Variants in RPGRIP1L observed in about 807,000 individuals in gnomAD.
RPGRIP1L encodes protein fantom.
In RPGRIP1L, 131 loss-of-function variants were observed where a neutral mutation model predicts 160.4. The observed-to-expected ratio is 0.82, with a 90% CI of 0.71 to 0.94. RPGRIP1L has a LOEUF of 0.94. Ranked by LOEUF, RPGRIP1L falls within the 40% of genes least tolerant of loss-of-function variation. RPGRIP1L has a pLI of 0.00. For missense variants in RPGRIP1L, 1,522 were observed against 1,535.8 expected (o/e 0.99, Z 0.15); for synonymous variants, 510 against 515.8 (o/e 0.99, Z 0.15).
At chr16:53,640,426 G>C (rs1299707231) in intron 19 of RPGRIP1L, among the ~76,000 whole-genome samples, 1 of 152,174 alleles carries the variant, frequency 6.6e-6, no homozygotes, top group East Asian at 1.9e-4. Context: ...CCATGTGACT[G>C]TATAAGGTCT....
intron 21 of RPGRIP1L, among the ~76,000 whole-genome samples, chr16:53,637,150 C>T (rs1965892915): frequency 6.6e-6 from 1 of 152,124 alleles, no homozygotes; most frequent in Admixed American, 6.5e-5. Context: ...ATGTGCAACA[C>T]TATGCCTGGC....
In RPGRIP1L at chr16:53,653,722, C is replaced by T. The variant is rs971543077; in HGVS notation, c.1700-735G>A. On this transcript the variant is annotated intron_variant, in intron 14 of 26. Coordinates refer to ENST00000647211, the MANE Select transcript of RPGRIP1L (RefSeq NM_015272.5). The stretch of plus-strand genomic sequence containing the variant: ...TTCTCATTCTTTTGGGATTTCTCTT[C>T]GTCTGCTAGTTTTCTGGGCTTCTGT... Among the ~76,000 whole-genome samples the T allele has an allele frequency of 8.5e-5, 13 of 152,134 alleles. 1 individual carries two copies. The highest frequency in any genetic ancestry group is 3.9e-4 in the Admixed American group (6 of 15,270).
intron 9 of RPGRIP1L, among the ~76,000 whole-genome samples, chr16:53,666,144 T>C (rs1567857777): frequency 6.6e-6 from 1 of 152,178 alleles, no homozygotes. Context: ...TCCCAACTAG[T>C]CTTCAGTTTT....
intron 25 of RPGRIP1L, among the ~76,000 whole-genome samples, chr16:53,610,228 T>A (rs1315772948): frequency 6.6e-6 from 1 of 152,158 alleles, no homozygotes; most frequent in Non-Finnish European, 1.5e-5. Flanking sequence ...AAGATCAGTT[T>A]TTTTTTCTTT....
At chr16:53,603,283 A>AT (rs1567786849) in intron 26 of RPGRIP1L, among the ~76,000 whole-genome samples, 1 of 152,210 alleles carries the variant, frequency 6.6e-6, no homozygotes, top group Non-Finnish European at 1.5e-5. Flanking sequence ...AGAAACCTGG[A>AT]TTTTTGTAAG....
At chr16:53,625,581 C>T (rs1466267070) in intron 22 of RPGRIP1L, among the ~76,000 whole-genome samples, 2 of 150,600 alleles carry the variant, frequency 1.3e-5, no homozygotes, top group Admixed American at 6.6e-5. Flanking sequence ...CCCCTCTGCC[C>T]AGCCGCCATG....
At chr16:53,608,707 G>A (rs1431181977) in intron 25 of RPGRIP1L, among the ~76,000 whole-genome samples, 1 of 152,120 alleles carries the variant, frequency 6.6e-6, no homozygotes, top group Non-Finnish European at 1.5e-5. Flanking sequence ...TATTCAACAG[G>A]GTTGCTGTCT....
chr16:53,630,580 T>A (rs1965457607), intron 22 of RPGRIP1L, among the ~76,000 whole-genome samples: 1 of 152,114 alleles, frequency 6.6e-6, no homozygotes. Context: ...ATATTATAGG[T>A]ATGTTGAAAG....
intron 1 of RPGRIP1L, chr16:53,701,823 T>C (rs1162938615): frequency 6.6e-6 from 1 of 152,100 alleles, no homozygotes; most frequent in Non-Finnish European, 1.5e-5. Context: ...CCAAATTTTG[T>C]ATGTATATGT....
At chr16:53,654,832 T>C (rs1236049799) in intron 14 of RPGRIP1L, among the ~76,000 whole-genome samples, 1 of 152,184 alleles carries the variant, frequency 6.6e-6, no homozygotes, top group South Asian at 2.1e-4. Context: ...GAAAATTCCA[T>C]TAAACAAATT....
intron 5 of RPGRIP1L, among the ~76,000 whole-genome samples, chr16:53,687,634 A>T (rs764900417): frequency 3.3e-5 from 5 of 152,140 alleles, no homozygotes; most frequent in Admixed American, 6.6e-5. Context: ...GGGTCAAATT[A>T]TAATAAAGAA....
At chr16:53,657,338 TTAG>T (rs1844079745) in intron 13 of RPGRIP1L, 112 bp downstream of exon 13, 1 of 695,772 alleles carries the variant, frequency 1.4e-6, no homozygotes, top group African/African-American at 1.8e-5. Context: ...ATGTGATATG[TTAG>T]TAGATTACAA....
Position 53,605,465 on chromosome 16 carries a change from A to AC in RPGRIP1L, c.3835+15dup. 3.1e-6 allele frequency: 5 copies of AC among 1,614,104 alleles called. No homozygotes were observed. The highest frequency in any genetic ancestry group is 4.2e-6 in the Non-Finnish European group (5 of 1,179,994). ...AATTGTTGGTTGCACAAACTGAGCA[A>AC]CACTTTCACCCATACCATCGATATT... On this transcript the variant is annotated intron_variant, in intron 26 of 26. Coordinates refer to ENST00000647211, the MANE Select transcript of RPGRIP1L (RefSeq NM_015272.5).
At chr16:53,655,410 A>C (rs1269080900) in intron 14 of RPGRIP1L, 1 of 151,786 alleles carries the variant, frequency 6.6e-6, no homozygotes, top group Non-Finnish European at 1.5e-5. Context: ...GCCTTCTCGA[A>C]CCTCAATAAG....
chr16:53,698,657 G>A (rs1473796397), intron 2 of RPGRIP1L, among the ~76,000 whole-genome samples: 6 of 138,212 alleles, frequency 4.3e-5, no homozygotes, highest in Non-Finnish European at 7.9e-5. Flanking sequence ...CCGCCCCGTC[G>A]GGAGGGAGGT....
chr16:53,665,886 C>T (rs1446780691), intron 9 of RPGRIP1L, among the ~76,000 whole-genome samples: 1 of 152,088 alleles, frequency 6.6e-6, no homozygotes, highest in Non-Finnish European at 1.5e-5. Flanking sequence ...TCCCAGGGCC[C>T]AGGTATTCAT....
intron 6 of RPGRIP1L, among the ~76,000 whole-genome samples, chr16:53,677,011 T>G (rs1224364604): frequency 6.6e-6 from 1 of 152,228 alleles, no homozygotes; most frequent in African/African-American, 2.4e-5. Context: ...ATTAAATCTC[T>G]ATAATCCATT....
intron 12 of RPGRIP1L, 138 bp downstream of exon 12, chr16:53,658,276 T>C: frequency 1.4e-6 from 1 of 735,902 alleles, no homozygotes; most frequent in Non-Finnish European, 2.5e-6. Flanking sequence ...TACATACATA[T>C]TTGTAAAGGA....
intron 6 of RPGRIP1L, among the ~76,000 whole-genome samples, chr16:53,678,334 T>C (rs1484607482): frequency 6.6e-6 from 1 of 152,128 alleles, no homozygotes; most frequent in Non-Finnish European, 1.5e-5. Flanking sequence ...CAATAAACTC[T>C]GAAAAAGGAA....
Sources: gnomAD v4.1 joint callset for allele counts (sites outside exome capture counted in the v4.1 genomes callset) on GRCh38, gnomAD v4.1.1 for gene constraint, MANE v1.5 for transcripts, NCBI Gene and HGNC (gene_info 2026-07-23, HGNC 2026-07-21) for gene names.